SUN3: variants seen among roughly 807,000 people sequenced by gnomAD.
SUN3 encodes the protein SUN domain-containing protein 3.
A neutral mutation model predicts 48.2 loss-of-function variants in SUN3; 36 were observed. The ratio of observed to expected loss-of-function variants is 0.75; its 90% CI spans 0.57 to 0.99. The LOEUF (loss-of-function observed/expected upper bound fraction) is 0.99, where lower values mean the gene tolerates loss of function less well. Ranked by LOEUF, SUN3 falls within the 50% of genes least tolerant of loss-of-function variation. SUN3 has a pLI of 0.00. For synonymous variants in SUN3, 148 were observed against 147.9 expected, an observed-to-expected ratio of 1.00 and a Z score of 0.00; for missense variants, 419 against 433.1, an observed-to-expected ratio of 0.97 and a Z score of 0.29.
At chr7:48,017,876 T>C (rs1018737978) in intron 2 of SUN3, among the ~76,000 whole-genome samples, 7 of 152,188 alleles carry the variant, frequency 4.6e-5, no homozygotes, top group Non-Finnish European at 8.8e-5. Context: ...GAAGTGGCAA[T>C]ATCTATTGAA....
chr7:48,013,753 G>C (rs891002631), intron 3 of SUN3, among the ~76,000 whole-genome samples: 1 of 151,982 alleles, frequency 6.6e-6, no homozygotes, highest in Non-Finnish European at 1.5e-5. Context: ...GCCTGTAATC[G>C]CTTGAGCTCA....
chr7:48,019,323 G>C (rs2348669), intron 2 of SUN3, among the ~76,000 whole-genome samples: 70,868 of 151,910 alleles, frequency 0.47, 17,243 homozygotes, highest in African/African-American at 0.61. Context: ...GATTATAGTT[G>C]TAAGTGCCTA....
intron 7 of SUN3, 40 bp from the exon 8 acceptor site, chr7:47,994,522 G>A (rs759217141): frequency 5.8e-6 from 9 of 1,554,952 alleles, no homozygotes; most frequent in Non-Finnish European, 7.8e-6. Context: ...AACTAGTTAT[G>A]TGAATCCATT....
intron 1 of SUN3, among the ~76,000 whole-genome samples, chr7:48,028,363 CAG>C (rs369531185): frequency 7.3e-5 from 11 of 150,610 alleles, no homozygotes; most frequent in African/African-American, 2.5e-4. Flanking sequence ...CATCCCCTAC[CAG>C]AGTCTTTAGT....
chr7:47,989,830 T>A (rs543526357), intron 8 of SUN3, among the ~76,000 whole-genome samples: 9 of 152,198 alleles, frequency 5.9e-5, no homozygotes, highest in Non-Finnish European at 1.0e-4. Context: ...GGCTGAAACA[T>A]GTGCTGTGTC....
rs1416717218 is a variant in SUN3 at position 48,025,865 on chromosome 7, AG to A, written c.184+11del. The A allele has an allele frequency of 5.7e-6, 9 of 1,569,962 alleles. No individual in the cohort carries two copies. The highest frequency in any genetic ancestry group is 1.3e-5 in the African/African-American group (1 of 74,166). On this transcript the variant is annotated intron_variant, in intron 2 of 9. Transcript: ENST00000297325. The stretch of plus-strand genomic sequence containing the variant: ...GGAATGGTTTTAAGGATCATTACTT[AG>A]GAAGACTTACCTACAAGAAGAAAAG...
chr7:48,024,367 AC>A (rs1201662831), intron 2 of SUN3, among the ~76,000 whole-genome samples: 1 of 152,200 alleles, frequency 6.6e-6, no homozygotes, highest in Admixed American at 6.5e-5. Context: ...ACTTTAATGG[AC>A]ATGTCTCCAA....
At chr7:48,000,147 G>A (rs1245840597) in intron 6 of SUN3, 1 of 152,136 alleles carries the variant, frequency 6.6e-6, no homozygotes, top group Non-Finnish European at 1.5e-5. Flanking sequence ...TGTTGTTGTT[G>A]TTGTTTTGAG....
intron 2 of SUN3, among the ~76,000 whole-genome samples, chr7:48,018,337 AATAGCAAACAT>A (rs1789870497): frequency 6.6e-6 from 1 of 152,212 alleles, no homozygotes; most frequent in Admixed American, 6.5e-5. Context: ...GAGATAGTGG[AATAGCAAACAT>A]ATACGACAAG....
At chr7:48,008,829 T>G (rs113007032) in intron 4 of SUN3, among the ~76,000 whole-genome samples, 264 of 152,308 alleles carry the variant, frequency 1.7e-3, no homozygotes, top group African/African-American at 6.1e-3. Flanking sequence ...TTTTTTTCTT[T>G]TTCTTCCTCC....
In SUN3 at chr7:48,028,754, A is replaced by T. The variant is rs952453147; in HGVS notation, c.122+63T>A. ...AACAGGTAACAGATGAACAGACACA[A>T]GTGACAGATGTAACACATAAAACCT... is the stretch of plus-strand genomic sequence containing the variant. On this transcript the variant is annotated intron_variant, in intron 1 of 9. Coordinates refer to ENST00000297325, the MANE Select transcript of SUN3 (RefSeq NM_001030019.2). 4.4e-6 allele frequency: 7 copies of T among 1,583,690 alleles called. No individual in the cohort carries two copies. The African/African-American group carries it at 9.5e-5, about 21-fold the overall frequency.
intron 9 of SUN3, among the ~76,000 whole-genome samples, chr7:47,987,847 T>C (rs1788944236): frequency 6.6e-6 from 1 of 152,214 alleles, no homozygotes; most frequent in African/African-American, 2.4e-5. Flanking sequence ...ATACTTTTTC[T>C]TTTCTAACAT....
intron 9 of SUN3, 109 bp from the exon 10 acceptor site, chr7:47,987,558 G>T: frequency 1.8e-6 from 2 of 1,087,464 alleles, no homozygotes; most frequent in South Asian, 2.1e-5. Flanking sequence ...TTTCGAGATA[G>T]GATCTGGCTC....
intron 7 of SUN3, 43 bp from the exon 8 acceptor site, chr7:47,994,525 A>G (rs767046234): frequency 1.0e-5 from 16 of 1,548,968 alleles, no homozygotes; most frequent in Middle Eastern, 3.5e-4. Context: ...TAGTTATGTG[A>G]ATCCATTCCC....
At chr7:48,021,347 C>G (rs932761157) in intron 2 of SUN3, among the ~76,000 whole-genome samples, 1 of 151,926 alleles carries the variant, frequency 6.6e-6, no homozygotes, top group African/African-American at 2.4e-5. Context: ...GGTCATTGGT[C>G]TGGGCAAAAA....
At chr7:48,026,511 C>A (rs1355947629) in intron 1 of SUN3, among the ~76,000 whole-genome samples, 1 of 151,824 alleles carries the variant, frequency 6.6e-6, no homozygotes, top group Non-Finnish European at 1.5e-5. Context: ...TGAACACATC[C>A]ATGAAACCTC....
chr7:48,006,053 C>G lies in SUN3; in HGVS notation c.493G>C (p.Glu165Gln), dbSNP rs1227530697. ...DPVEDPDHTE[E>Q]VSNLVNYVLK... Reference sequence around the variant, plus strand: ...ACATAATTGACCAAGTTTGACACTTCCTGTAGAAATTTTATAAACAGTTTT... The same window carrying G: ...ACATAATTGACCAAGTTTGACACTTGCTGTAGAAATTTTATAAACAGTTTT... The change falls in exon 6 of 10, where the codon GAA becomes CAA. Residue 165 changes from glutamate to glutamine, a missense_variant and splice_region_variant. By Grantham distance (29) the Glu-to-Gln change is conservative (BLOSUM62 2). Coordinates refer to ENST00000297325, the MANE Select transcript of SUN3 (RefSeq NM_001030019.2). 6.3e-7 allele frequency: 1 copy of G among 1,586,196 alleles called. No individual in the cohort carries two copies. Among genetic ancestry groups the G allele is most frequent in the East Asian group, 2.2e-5 (1 of 44,724 alleles).
At position 48,013,015 on chromosome 7, in the gene SUN3, T is replaced by C. The variant is rs577430228; in HGVS notation, c.289-3940A>G. ...ACTGTGAGAAAGACATTTCTGTTCT[T>C]TATAAGCTACCTAGTCTATGGCATT... On this transcript the variant is annotated intron_variant, in intron 3 of 9. Transcript: ENST00000297325. 2.6e-5 allele frequency among the ~76,000 whole-genome samples: 4 copies of C among 152,336 alleles called. No individual in the cohort carries two copies. The South Asian group carries it at 6.2e-4, about 24-fold the overall frequency.
rs776568681 is a variant in SUN3, at chr7:47,996,116, T to G, written c.608A>C (p.Glu203Ala). ...GASIIEAGTS[E>A]SYKNNKAKLY... ...TTTTGCTTTATTATTTTTATAACTT[T>G]CTGAGGTCCCAGCTTCAATGATGGA... The change falls in exon 7 of 10, where the codon GAA becomes GCA. Residue 203 changes from glutamate to alanine, a missense_variant. Glu to Ala is a moderately radical substitution (Grantham distance 107). Coordinates refer to ENST00000297325, the MANE Select transcript of SUN3 (RefSeq NM_001030019.2). The G allele has an allele frequency of 1.1e-5, 18 of 1,593,768 alleles. No homozygotes were observed. In the South Asian group the frequency reaches 2.0e-4, roughly 17 times the overall value.
Sources: allele counts gnomAD v4.1 joint callset (sites outside exome capture counted in the v4.1 genomes callset), GRCh38; gene constraint gnomAD v4.1.1; transcripts MANE v1.5; gene names NCBI Gene and HGNC (gene_info 2026-07-23, HGNC 2026-07-21).